The following PYGO1 variants were observed in gnomAD, a reference collection of about 807,000 sequenced individuals.
PYGO1 encodes the protein pygopus family PHD finger 1.
Under a neutral mutation model 29.5 loss-of-function variants are expected in PYGO1, and 6 were observed. The ratio of observed to expected loss-of-function variants is 0.20; its 90% confidence interval spans 0.11 to 0.40. The LOEUF (loss-of-function observed/expected upper bound fraction) is 0.40. Ranked by LOEUF, PYGO1 falls within the 10% of genes least tolerant of loss-of-function variation. The probability of loss-of-function intolerance (pLI) is 1.00; values close to 1 mark genes in which losing one functional copy is unlikely to be tolerated. For synonymous variants in PYGO1, 186 were observed against 180.5 expected, an observed-to-expected ratio of 1.03 and a Z score of -0.24; for missense variants, 515 against 514.9, an observed-to-expected ratio of 1.00 and a Z score of 0.00.
In PYGO1 at chr15:55,587,915, C is replaced by G; in HGVS notation, c.-32G>C. The G allele has an allele frequency of 1.4e-6, 2 of 1,465,600 alleles. No homozygotes were observed. The highest frequency in any genetic ancestry group is 1.8e-4 in the Middle Eastern group (1 of 5,714). 90.8% of individuals were successfully genotyped at this position (1,465,600 alleles called of 1,614,324 possible). ...CCGCAAAGCATGACTCCCCCCCAGG[C>G]CGCGGGAATTCGGTCTCTTTGATGC... is the stretch of plus-strand genomic sequence containing the variant. On this transcript the variant is annotated 5_prime_UTR_variant, in exon 1 of 3. Transcript: ENST00000563719.
At chr15:55,588,864 G>C, upstream of PYGO1, 1 of 1,613,670 alleles carries the variant, frequency 6.2e-7, no homozygotes, top group Non-Finnish European at 8.5e-7. Context: ...TGGGGATCCA[G>C]ATTCCCCGAC....
At chr15:55,564,207 A>G (rs28414004) in intron 1 of PYGO1, among the ~76,000 whole-genome samples, 4,294 of 152,326 alleles carry the variant, frequency 0.028, 200 homozygotes, top group African/African-American at 0.098. Context: ...ACAAAATGGT[A>G]TATCTATACA....
rs185119355 is a variant in PYGO1, at chr15:55,584,774, C to A, written c.49+3061G>T. 2.4e-3 allele frequency among the ~76,000 whole-genome samples: 364 copies of A among 152,224 alleles called. 1 individual carries two copies. Among genetic ancestry groups the A allele is most frequent in the Non-Finnish European group, 3.9e-3 (263 of 68,012 alleles). ...AGGTTTGGGGGTGGAGTGTTAAGAACTGGTAGAAAATAGGAGTAAGATACT... is the reference window on the plus strand; with the variant it reads ...AGGTTTGGGGGTGGAGTGTTAAGAAATGGTAGAAAATAGGAGTAAGATACT... On this transcript the variant is annotated intron_variant, in intron 1 of 2. Coordinates refer to ENST00000563719, the MANE Select transcript of PYGO1 (RefSeq NM_001367806.1).
chr15:55,583,613 C>G (rs996249351), intron 1 of PYGO1, among the ~76,000 whole-genome samples: 1 of 152,086 alleles, frequency 6.6e-6, no homozygotes, highest in African/African-American at 2.4e-5. Flanking sequence ...ACCTCCTGGG[C>G]TCAAGGGATC....
At chr15:55,556,166 T>C (rs908386499) in intron 1 of PYGO1, among the ~76,000 whole-genome samples, 1 of 152,168 alleles carries the variant, frequency 6.6e-6, no homozygotes, top group Non-Finnish European at 1.5e-5. Context: ...CTGATAGATA[T>C]ATACAGAATT....
chr15:55,549,042 T>C lies in PYGO1; in HGVS notation c.50-47A>G, dbSNP rs758072578. On this transcript the variant is annotated intron_variant, in intron 1 of 2. Transcript: ENST00000563719. Reference sequence around the variant, plus strand: ...TAATATTTCCCACTTGTAAGTGAAGTTACTTTATATCTCATAGTAATATCT... The same window carrying C: ...TAATATTTCCCACTTGTAAGTGAAGCTACTTTATATCTCATAGTAATATCT... 6 of 1,427,804 alleles carry C rather than the reference T, an allele frequency of 4.2e-6. No individual in the cohort carries two copies. The South Asian group carries it at 7.3e-5, about 17-fold the overall frequency. The allele number at this position is 1,427,804 out of a possible 1,614,324, so 88.4% of individuals were successfully genotyped here. A position where few individuals can be genotyped will look rare whatever the true frequency, so the allele number is the denominator to read the frequency against.
chr15:55,582,019 CA>C (rs1740964462), intron 1 of PYGO1, among the ~76,000 whole-genome samples: 1 of 151,740 alleles, frequency 6.6e-6, no homozygotes, highest in Non-Finnish European at 1.5e-5. Flanking sequence ...CCAGCCTGGC[CA>C]ACATGATGAA....
chr15:55,548,262 C>T (rs942026891), intron 2 of PYGO1, among the ~76,000 whole-genome samples: 27 of 151,914 alleles, frequency 1.8e-4, no homozygotes, highest in African/African-American at 6.5e-4. Context: ...TCAAGTAATC[C>T]ACCCACCTTG....
chr15:55,560,052 T>G (rs917880394), intron 1 of PYGO1, among the ~76,000 whole-genome samples: 1 of 152,170 alleles, frequency 6.6e-6, no homozygotes. Flanking sequence ...TAACCATATA[T>G]ATGACAAACC....
chr15:55,563,926 G>A (rs1355307333), intron 1 of PYGO1, among the ~76,000 whole-genome samples: 8 of 152,180 alleles, frequency 5.3e-5, no homozygotes, highest in African/African-American at 1.4e-4. Context: ...GCAAAGATAT[G>A]GAGAAACTGG....
chr15:55,565,940 C>T (rs1429915088), intron 1 of PYGO1, among the ~76,000 whole-genome samples: 3 of 152,140 alleles, frequency 2.0e-5, no homozygotes, highest in Non-Finnish European at 2.9e-5. Flanking sequence ...CGCCACCACA[C>T]TCAGCTAATT....
intron 1 of PYGO1, among the ~76,000 whole-genome samples, chr15:55,586,870 T>C (rs993545222): frequency 5.3e-5 from 8 of 152,226 alleles, no homozygotes; most frequent in African/African-American, 1.7e-4. Flanking sequence ...TTGTCCACCA[T>C]ACCACCTACG....
chr15:55,575,878 G>A (rs1238445304), intron 1 of PYGO1, among the ~76,000 whole-genome samples: 8 of 152,076 alleles, frequency 5.3e-5, no homozygotes, highest in Non-Finnish European at 1.5e-5. Flanking sequence ...ATACTCCACA[G>A]GGCCCCTCCT....
At chr15:55,568,119 A>G (rs1312500679) in intron 1 of PYGO1, among the ~76,000 whole-genome samples, 2 of 152,126 alleles carry the variant, frequency 1.3e-5, no homozygotes, top group South Asian at 2.1e-4. Context: ...GAAAAATTCC[A>G]TTGTAGTTTG....
chr15:55,560,504 A>C (rs1012942851), intron 1 of PYGO1, among the ~76,000 whole-genome samples: 11 of 152,316 alleles, frequency 7.2e-5, no homozygotes, highest in Admixed American at 4.6e-4. Flanking sequence ...GGAGAACTAC[A>C]AACTACTGCT....
intron 1 of PYGO1, among the ~76,000 whole-genome samples, chr15:55,575,915 A>G (rs2058999633): frequency 6.6e-6 from 1 of 152,214 alleles, no homozygotes; most frequent in African/African-American, 2.4e-5. Flanking sequence ...TAATAATTTC[A>G]GCCACAATCC....
chr15:55,585,700 G>A (rs1002850617), intron 1 of PYGO1, among the ~76,000 whole-genome samples: 6 of 152,128 alleles, frequency 3.9e-5, no homozygotes, highest in Admixed American at 2.0e-4. Flanking sequence ...ATATATCTGT[G>A]TTCTTGACCC....
chr15:55,576,229 G>A lies in PYGO1; in HGVS notation c.49+11606C>T, dbSNP rs552077933. Among the ~76,000 whole-genome samples, 50 of 151,158 alleles carry A rather than the reference G, an allele frequency of 3.3e-4. 1 individual carries two copies. The highest frequency in any genetic ancestry group is 1.6e-3 in the Admixed American group (24 of 15,176). ...CCCAGCACTTTGGGAGGCCGAGGCG[G>A]GCGGATCACGAGGTCAGGAGATCGA... On this transcript the variant is annotated intron_variant, in intron 1 of 2. Transcript: ENST00000563719.
intron 1 of PYGO1, among the ~76,000 whole-genome samples, chr15:55,574,386 G>A (rs1337077250): frequency 1.3e-5 from 2 of 152,106 alleles, no homozygotes; most frequent in African/African-American, 4.8e-5. Flanking sequence ...ACTGCAAATG[G>A]TGCCACGTAG....
Sources: gnomAD v4.1 joint callset for allele counts (sites outside exome capture counted in the v4.1 genomes callset) on GRCh38, gnomAD v4.1.1 for gene constraint, MANE v1.5 for transcripts, NCBI Gene and HGNC (gene_info 2026-07-23, HGNC 2026-07-21) for gene names.